The following LIPA variants were observed in gnomAD, a reference collection of about 807,000 sequenced individuals.
LIPA encodes lipase A, lysosomal acid type.
In LIPA, 26 loss-of-function variants were observed where a neutral mutation model predicts 40.6. The observed-to-expected ratio is 0.64, with a 90% CI of 0.47 to 0.89. The LOEUF is 0.89. LIPA is among the 40% of genes least tolerant of loss of function. LIPA has a pLI of 0.00. For synonymous variants in LIPA, 188 were observed against 168.4 expected (o/e 1.12, Z -0.90); for missense variants, 455 against 479.6 (o/e 0.95, Z 0.48).
At chr10:89,401,118 ACT>A (rs1844415147) in intron 2 of LIPA, among the ~76,000 whole-genome samples, 1 of 148,268 alleles carries the variant, frequency 6.7e-6, no homozygotes, top group South Asian at 2.1e-4. Flanking sequence ...CATTTAGATG[ACT>A]TTTTTTTTTT....
At position 89,394,629 on chromosome 10, in the gene LIPA, A is replaced by ATAT. The variant is rs1429080862; in HGVS notation, c.61+18161_61+18162insATA. On this transcript the variant is annotated intron_variant, in intron 2 of 8. Coordinates refer to the LIPA transcript ENST00000371837. ...ATATATATATATATATATATATATAAAACTTGAATTTTATTCAGGTTAGCA... is the reference window on the plus strand; with the variant it reads ...ATATATATATATATATATATATATAATATAACTTGAATTTTATTCAGGTTAGCA... Among the ~76,000 whole-genome samples the ATAT allele has an allele frequency of 3.9e-3, 101 of 26,226 alleles. 14 individuals are homozygous for ATAT. The highest frequency in any genetic ancestry group is 0.016 in the African/African-American group (93 of 5,920). 17.2% of individuals were successfully genotyped at this position (26,226 alleles called of 152,430 possible).
chr10:89,224,978 A>G (rs1023312551), intron 6 of LIPA, 114 bp downstream of exon 6: 2 of 1,318,518 alleles, frequency 1.5e-6, no homozygotes, highest in Non-Finnish European at 2.2e-6. Flanking sequence ...CCACTGCTCC[A>G]CTGATATCAA....
intron 1 of LIPA, among the ~76,000 whole-genome samples, chr10:89,270,280 T>C (rs1359257203): frequency 1.3e-5 from 2 of 152,216 alleles, no homozygotes; most frequent in Admixed American, 6.5e-5. Flanking sequence ...TATGTAATTC[T>C]CCAGAACTGC....
chr10:89,396,483 C>T (rs1277831450), intron 2 of LIPA, among the ~76,000 whole-genome samples: 1 of 152,178 alleles, frequency 6.6e-6, no homozygotes, highest in Non-Finnish European at 1.5e-5. Context: ...AGGGGGCATC[C>T]TCACATTATA....
chr10:89,239,974 C>G (rs1272205162), intron 3 of LIPA, among the ~76,000 whole-genome samples: 1 of 152,172 alleles, frequency 6.6e-6, no homozygotes, highest in African/African-American at 2.4e-5. Context: ...CTTTGCAGCA[C>G]AGCAACTTGA....
intron 2 of LIPA, among the ~76,000 whole-genome samples, chr10:89,410,317 T>G (rs1589645254): frequency 1.3e-5 from 2 of 152,164 alleles, no homozygotes; most frequent in East Asian, 3.8e-4. Flanking sequence ...GACCAGTGCT[T>G]CAAATACCTA....
intron 1 of LIPA, among the ~76,000 whole-genome samples, chr10:89,272,206 G>A (rs550353889): frequency 7.2e-5 from 11 of 152,288 alleles, no homozygotes; most frequent in South Asian, 4.1e-4. Flanking sequence ...GGTATTAAGC[G>A]TAGTACCCAT....
intron 8 of LIPA, among the ~76,000 whole-genome samples, chr10:89,216,339 G>A (rs1257601281): frequency 2.0e-5 from 3 of 150,578 alleles, no homozygotes; most frequent in Non-Finnish European, 4.4e-5. Context: ...TGCATCCTAA[G>A]CTTTTTCAAA....
At chr10:89,264,908 C>G (rs950977548) in intron 1 of LIPA, among the ~76,000 whole-genome samples, 25 of 152,174 alleles carry the variant, frequency 1.6e-4, no homozygotes, top group Non-Finnish European at 3.2e-4. Context: ...TGCGTGTCAT[C>G]CACGGCCCCT....
At chr10:89,262,715 G>A (rs1030826717) in intron 1 of LIPA, among the ~76,000 whole-genome samples, 2 of 152,236 alleles carry the variant, frequency 1.3e-5, no homozygotes, top group East Asian at 1.9e-4. Flanking sequence ...TTATCAGATC[G>A]CAGGGTGACT....
chr10:89,299,370 C>A (rs12260227), intron 1 of LIPA, among the ~76,000 whole-genome samples: 45,217 of 151,666 alleles, frequency 0.3, 6,974 homozygotes, highest in African/African-American at 0.36. Flanking sequence ...ATAAGGTGAC[C>A]AAATATATGA....
rs1203005431 is a variant in LIPA at position 89,223,801 on chromosome 10, G to A, written c.705C>T (p.Pro235=). 9 of 1,614,050 alleles carry A rather than the reference G, an allele frequency of 5.6e-6. No homozygotes were observed. The highest frequency in any genetic ancestry group is 7.6e-6 in the Non-Finnish European group (9 of 1,179,988). ...KDLFGDKEFL[P]QSAFLKWLGT... is the part of the protein sequence containing the mutation. ...CCAGCCACTTCAAAAACGCACTCTG[G>A]GGAAGAAATTCTTTGTCTCCAAATA... The change falls in exon 7 of 10, where the codon CCC becomes CCT. Residue 235 remains proline, a synonymous_variant. Coordinates refer to ENST00000336233, the MANE Select transcript of LIPA (RefSeq NM_000235.4).
intron 1 of LIPA, among the ~76,000 whole-genome samples, chr10:89,337,409 A>AT (rs988114603): frequency 7.2e-5 from 11 of 151,744 alleles, no homozygotes; most frequent in Admixed American, 4.6e-4. Flanking sequence ...TCTTACTTTT[A>AT]TTTTTTTTGA....
rs145692951 is a variant in LIPA at position 89,260,146 on chromosome 10, T to A, written c.-1-12497A>T. 3.4e-3 allele frequency among the ~76,000 whole-genome samples: 525 copies of A among 152,372 alleles called. 2 individuals are homozygous for A. The highest frequency in any genetic ancestry group is 5.5e-3 in the Non-Finnish European group (375 of 68,038). The stretch of plus-strand genomic sequence containing the variant: ...TAATCCTAATACTTAACATTCATTA[T>A]CGTGTTGAATCAGTAACCACCCAAC... On this transcript the variant is annotated intron_variant, in intron 1 of 5. Transcript: ENST00000282673.
chr10:89,397,981 C>T (rs1844369060), intron 2 of LIPA, among the ~76,000 whole-genome samples: 1 of 152,168 alleles, frequency 6.6e-6, no homozygotes, highest in Non-Finnish European at 1.5e-5. Flanking sequence ...TAAATACATT[C>T]ACTTTATTGT....
intron 8 of LIPA, among the ~76,000 whole-genome samples, chr10:89,220,353 G>A (rs747428260): frequency 6.6e-6 from 1 of 152,146 alleles, no homozygotes; most frequent in South Asian, 2.1e-4. Context: ...CAGACATTGG[G>A]CCTTTTAGGA....
intron 2 of LIPA, among the ~76,000 whole-genome samples, chr10:89,381,370 C>G (rs1681143382): frequency 6.6e-6 from 1 of 152,128 alleles, no homozygotes; most frequent in Non-Finnish European, 1.5e-5. Context: ...ATTAATTTTA[C>G]TTACTCCTGA....
At chr10:89,355,867 T>C (rs1391780280) in intron 2 of LIPA, among the ~76,000 whole-genome samples, 1 of 152,192 alleles carries the variant, frequency 6.6e-6, no homozygotes, top group African/African-American at 2.4e-5. Context: ...ATTCAGAAGT[T>C]AACCTATATG....
chr10:89,383,760 G>C (rs757912496), intron 2 of LIPA: 21 of 1,614,074 alleles, frequency 1.3e-5, no homozygotes, highest in Non-Finnish European at 1.7e-5. Context: ...GATGGGCCTT[G>C]GCGAAGTGTG....
Sources: gnomAD v4.1 joint callset for allele counts (sites outside exome capture counted in the v4.1 genomes callset) on GRCh38, gnomAD v4.1.1 for gene constraint, MANE v1.5 for transcripts, NCBI Gene and HGNC (gene_info 2026-07-23, HGNC 2026-07-21) for gene names.